The following FOXP1 variants were observed in gnomAD, a reference collection of about 807,000 sequenced individuals.
FOXP1 encodes forkhead box P1.
FOXP1 carries 15 observed loss-of-function variants against 98.2 expected under a neutral mutation model. The observed-to-expected ratio is 0.15, with a 90% CI of 0.10 to 0.24. The LOEUF (loss-of-function observed/expected upper bound fraction) is 0.24. Ranked by LOEUF, FOXP1 falls within the 10% of genes least tolerant of loss-of-function variation. The pLI is 1.00. For synonymous variants in FOXP1, 371 were observed against 314.5 expected, an observed-to-expected ratio of 1.18 and a Z score of -1.90; for missense variants, 633 against 848.5, an observed-to-expected ratio of 0.75 and a Z score of 3.15.
intron 6 of FOXP1, among the ~76,000 whole-genome samples, chr3:71,173,224 T>C (rs1219054179): frequency 3.9e-5 from 6 of 152,066 alleles, no homozygotes; most frequent in Non-Finnish European, 5.9e-5. Flanking sequence ...AAAATCATCA[T>C]AGTTGGATAG....
intron 2 of FOXP1, among the ~76,000 whole-genome samples, chr3:71,496,194 T>G (rs894462269): frequency 1.3e-5 from 2 of 152,232 alleles, no homozygotes; most frequent in African/African-American, 4.8e-5. Context: ...GATGAGGTCA[T>G]GCACTGTCTC....
At position 71,505,154 on chromosome 3, in the gene FOXP1, C is replaced by T. The variant is rs954597031; in HGVS notation, c.-297-11599G>A. ...AAAGTAGGAACGTTTGGAATGGTTC[C>T]CAAAATAAAGACAACCTGGCAACAT... is the stretch of plus-strand genomic sequence containing the variant. On this transcript the variant is annotated intron_variant, in intron 2 of 20. Transcript: ENST00000649528. 2.6e-5 allele frequency among the ~76,000 whole-genome samples: 4 copies of T among 152,018 alleles called. No homozygotes were observed. The East Asian group carries it at 5.8e-4, about 22-fold the overall frequency.
At chr3:71,560,625 A>G (rs1283793943) in intron 2 of FOXP1, among the ~76,000 whole-genome samples, 1 of 152,254 alleles carries the variant, frequency 6.6e-6, no homozygotes, top group African/African-American at 2.4e-5. Flanking sequence ...AGTAGTATTA[A>G]CCAAAACAGC....
chr3:71,574,825 C>G (rs1360499906), intron 2 of FOXP1, among the ~76,000 whole-genome samples: 1 of 152,152 alleles, frequency 6.6e-6, no homozygotes, highest in African/African-American at 2.4e-5. Context: ...CACCGATGTT[C>G]CAGGTTGTTC....
rs543176287 is a variant in FOXP1, at chr3:70,959,658, C to T, written c.1890-267G>A. Among the ~76,000 whole-genome samples, 7 of 152,292 alleles carry T rather than the reference C, an allele frequency of 4.6e-5. No individual in the cohort carries two copies. The South Asian group carries it at 6.2e-4, about 14-fold the overall frequency. ...TAATTCTGGCCAGCACAGAGACAGACGGAACATTTGCATCACTGCGTAAAG... is the reference window on the plus strand; with the variant it reads ...TAATTCTGGCCAGCACAGAGACAGATGGAACATTTGCATCACTGCGTAAAG... On this transcript the variant is annotated intron_variant, in intron 20 of 20. Coordinates refer to ENST00000649528, the MANE Select transcript of FOXP1 (RefSeq NM_001349338.3).
intron 6 of FOXP1, among the ~76,000 whole-genome samples, chr3:71,169,203 C>T (rs1286615424): frequency 6.6e-6 from 1 of 152,172 alleles, no homozygotes; most frequent in East Asian, 1.9e-4. Flanking sequence ...ACAGTGGACG[C>T]CTGTCAGCTG....
At chr3:71,380,045 A>G (rs1264056364) in intron 3 of FOXP1, among the ~76,000 whole-genome samples, 1 of 152,226 alleles carries the variant, frequency 6.6e-6, no homozygotes, top group African/African-American at 2.4e-5. Context: ...CATCGTGGAA[A>G]ATACAAGGAA....
chr3:71,197,380 C>T (rs2063359793), intron 6 of FOXP1, among the ~76,000 whole-genome samples: 1 of 152,168 alleles, frequency 6.6e-6, no homozygotes, highest in Non-Finnish European at 1.5e-5. Context: ...AGCCAGTCTT[C>T]AAGCAAATGT....
intron 5 of FOXP1, among the ~76,000 whole-genome samples, chr3:71,281,042 A>C (rs1389015608): frequency 1.5e-4 from 21 of 141,562 alleles, no homozygotes; most frequent in South Asian, 2.2e-4. Flanking sequence ...TTCTCTACAA[A>C]AAAAAAAAAA....
chr3:71,054,101 C>T lies in FOXP1; in HGVS notation c.283-328G>A, dbSNP rs1043907879. On this transcript the variant is annotated intron_variant, in intron 7 of 20. Transcript: ENST00000649528. The stretch of plus-strand genomic sequence containing the variant: ...TTGAGAGTGAGTTTTTGGTCAAAAC[C>T]ATCTGTGGGAAGTTAACCCAGACTT... 6.6e-5 allele frequency among the ~76,000 whole-genome samples: 10 copies of T among 152,196 alleles called. 1 individual carries two copies. Among genetic ancestry groups the T allele is most frequent in the Admixed American group, 2.6e-4 (4 of 15,288 alleles).
chr3:71,424,435 C>A (rs2083937634), intron 3 of FOXP1, among the ~76,000 whole-genome samples: 1 of 152,124 alleles, frequency 6.6e-6, no homozygotes. Flanking sequence ...AAGTGCTTTG[C>A]CCAGTGCCCA....
intron 5 of FOXP1, among the ~76,000 whole-genome samples, chr3:71,231,590 A>G (rs1213327405): frequency 6.6e-6 from 1 of 152,268 alleles, no homozygotes; most frequent in African/African-American, 2.4e-5. Flanking sequence ...TCAAATTTCC[A>G]TGCATTAGGC....
chr3:71,175,876 C>T (rs1359738214), intron 6 of FOXP1, among the ~76,000 whole-genome samples: 2 of 152,106 alleles, frequency 1.3e-5, no homozygotes, highest in Non-Finnish European at 2.9e-5. Context: ...GAGCAGTGTT[C>T]TATGTGAGCA....
chr3:71,445,290 G>A (rs2086311762), intron 3 of FOXP1, among the ~76,000 whole-genome samples: 1 of 152,186 alleles, frequency 6.6e-6, no homozygotes, highest in Admixed American at 6.5e-5. Flanking sequence ...AGCTGGGAAG[G>A]AGGTGTACTG....
intron 18 of FOXP1, chr3:70,972,171 G>A (rs747938960): frequency 1.2e-5 from 19 of 1,525,706 alleles, no homozygotes; most frequent in Admixed American, 2.1e-5. Context: ...AGGTTGGTGC[G>A]AATGGCACCC....
intron 4 of FOXP1, among the ~76,000 whole-genome samples, chr3:71,349,522 G>T (rs1195968394): frequency 1.3e-5 from 2 of 152,102 alleles, no homozygotes; most frequent in Non-Finnish European, 2.9e-5. Context: ...GAGAAAATAT[G>T]ATGGACATGA....
intron 12 of FOXP1, among the ~76,000 whole-genome samples, chr3:71,003,812 T>C (rs992007893): frequency 3.9e-5 from 6 of 152,156 alleles, no homozygotes; most frequent in Non-Finnish European, 7.3e-5. Context: ...TTTGAACTGA[T>C]TTCACAAATA....
At chr3:71,112,039 G>A (rs2057975591) in intron 7 of FOXP1, among the ~76,000 whole-genome samples, 1 of 136,068 alleles carries the variant, frequency 7.3e-6, no homozygotes, top group Non-Finnish European at 1.5e-5. Flanking sequence ...CTTACTGGAT[G>A]CCAGCAACAC....
At chr3:71,322,627 G>C (rs1239217299) in intron 4 of FOXP1, among the ~76,000 whole-genome samples, 1 of 152,180 alleles carries the variant, frequency 6.6e-6, no homozygotes, top group African/African-American at 2.4e-5. Flanking sequence ...TCATCAAGGG[G>C]CATTCGGAGC....
Sources: allele counts gnomAD v4.1 joint callset (sites outside exome capture counted in the v4.1 genomes callset), GRCh38; gene constraint gnomAD v4.1.1; transcripts MANE v1.5; gene names NCBI Gene and HGNC (gene_info 2026-07-23, HGNC 2026-07-21).